The following ITGB5 variants were observed in gnomAD, a reference collection of about 807,000 sequenced individuals.
ITGB5 encodes the protein integrin subunit beta 5, also known as integrin beta-5.
A neutral mutation model predicts 84.8 loss-of-function variants in ITGB5; 38 were observed. That is an observed-to-expected ratio of 0.45 (90% CI 0.35 to 0.59). ITGB5 has a LOEUF of 0.59. Among genes scored for constraint, ITGB5 ranks in the 20% least tolerant of loss-of-function variants. The pLI, the probability that ITGB5 is intolerant of heterozygous loss-of-function variation, is 0.01. For synonymous variants in ITGB5, 393 were observed against 414.4 expected (o/e 0.95, Z 0.63); for missense variants, 905 against 1,034.5 (o/e 0.87, Z 1.72).
chr3:124,868,134 G>A lies in ITGB5; in HGVS notation c.156+5312C>T, dbSNP rs189424486. 7.2e-5 allele frequency among the ~76,000 whole-genome samples: 11 copies of A among 152,218 alleles called. No homozygotes were observed. In the South Asian group the frequency reaches 1.0e-3, roughly 14 times the overall value. ...TTGCTTCCCCTTCACCTTCCACCAC[G>A]GTTGTAAGTTTCCTGAGGCCTCCCC... On this transcript the variant is annotated intron_variant, in intron 2 of 14. Coordinates refer to ENST00000296181, the MANE Select transcript of ITGB5 (RefSeq NM_002213.5).
In ITGB5 at chr3:124,821,332, T is replaced by C. The variant is rs1420297622; in HGVS notation, c.923A>G (p.Tyr308Cys). ...ACTCACCATCTGGTTGGATGCAGTG[T>C]ACTCGTTGGCCTCGTTCAGGTGGCA... ...GQCHLNEANE[Y>C]TASNQMDYPS... Residue 308 changes from tyrosine to cysteine, a missense_variant, in exon 6 of 15, where the codon TAC becomes TGC. Transcript: ENST00000296181. The C allele has an allele frequency of 6.2e-7, 1 of 1,613,812 alleles. No individual in the cohort carries two copies. The highest frequency in any genetic ancestry group is 8.5e-7 in the Non-Finnish European group (1 of 1,179,834).
intron 10 of ITGB5, chr3:124,791,476 CT>C (rs1231585627): frequency 6.6e-6 from 1 of 152,244 alleles, no homozygotes; most frequent in Non-Finnish European, 1.5e-5. Context: ...CGCTTTGCCC[CT>C]AGCCCTGTCT....
chr3:124,884,690 CA>C (rs564081760), intron 1 of ITGB5, among the ~76,000 whole-genome samples: 1 of 149,588 alleles, frequency 6.7e-6, no homozygotes, highest in East Asian at 1.9e-4. Flanking sequence ...GACTCTGTCT[CA>C]AAAAAAAAGA....
intron 10 of ITGB5, among the ~76,000 whole-genome samples, chr3:124,782,683 C>A (rs993725060): frequency 2.0e-5 from 3 of 151,964 alleles, no homozygotes; most frequent in African/African-American, 7.3e-5. Flanking sequence ...CATGGTGAAA[C>A]CCTGTCTCCA....
intron 5 of ITGB5, among the ~76,000 whole-genome samples, chr3:124,829,665 C>T (rs1473329861): frequency 6.6e-6 from 1 of 152,204 alleles, no homozygotes; most frequent in Non-Finnish European, 1.5e-5. Flanking sequence ...TCGCTCTGAT[C>T]TCACCATCCC....
At chr3:124,810,936 C>CTTTCTT (rs536499219) in intron 8 of ITGB5, among the ~76,000 whole-genome samples, 1 of 151,764 alleles carries the variant, frequency 6.6e-6, no homozygotes, top group African/African-American at 2.4e-5. Flanking sequence ...TTCTTTCTTT[C>CTTTCTT]TCTTTTTTGC....
rs114424489 is a variant in ITGB5 at position 124,780,414 on chromosome 3, G to A, written c.1694-6502C>T. 6.8e-3 allele frequency among the ~76,000 whole-genome samples: 1,032 copies of A among 152,298 alleles called. 18 individuals are homozygous for A. The highest frequency in any genetic ancestry group is 0.042 in the South Asian group (203 of 4,830). ...AGCTCAGTGTTATAACCAGGCAGAC[G>A]TCAGGCCCTCAGGGTACAAATCATC... On this transcript the variant is annotated intron_variant, in intron 10 of 14. Transcript: ENST00000296181.
chr3:124,782,667 G>T (rs1160164519), intron 10 of ITGB5, among the ~76,000 whole-genome samples: 2 of 152,140 alleles, frequency 1.3e-5, no homozygotes, highest in African/African-American at 4.8e-5. Context: ...AGACCAGCCT[G>T]ACCAACATGG....
chr3:124,894,134 C>CTTTTTTTTCTTTTTTTT (rs1935052976), intron 1 of ITGB5, among the ~76,000 whole-genome samples: 1 of 104,354 alleles, frequency 9.6e-6, no homozygotes, highest in African/African-American at 3.7e-5. Context: ...TGATATTTTT[C>CTTTTTTTTCTTTTTTTT]TTTTTTTTTT....
At chr3:124,796,035 C>T (rs544880536) in intron 10 of ITGB5, among the ~76,000 whole-genome samples, 1 of 152,312 alleles carries the variant, frequency 6.6e-6, no homozygotes, top group South Asian at 2.1e-4. Context: ...CCACTGCCAG[C>T]CCCAGTGAGT....
intron 10 of ITGB5, among the ~76,000 whole-genome samples, chr3:124,778,026 GAAC>G (rs1010997679): frequency 3.9e-5 from 6 of 152,186 alleles, no homozygotes; most frequent in Non-Finnish European, 7.3e-5. Context: ...TGGGGATTGG[GAAC>G]AACATCCTGG....
chr3:124,814,670 T>C (rs2064559054), intron 8 of ITGB5, among the ~76,000 whole-genome samples: 1 of 151,994 alleles, frequency 6.6e-6, no homozygotes, highest in African/African-American at 2.4e-5. Context: ...GATTTCAAAC[T>C]CCTGGCCTCA....
chr3:124,797,630 A>G (rs1397194499), intron 9 of ITGB5, among the ~76,000 whole-genome samples: 1 of 152,124 alleles, frequency 6.6e-6, no homozygotes, highest in Non-Finnish European at 1.5e-5. Context: ...TGCGGGAGGG[A>G]TGCCTGTCAG....
Position 124,821,406 on chromosome 3 carries a change from G to A in ITGB5, c.849C>T (p.Ile283=), listed in dbSNP as rs146803561. 3.1e-5 allele frequency: 50 copies of A among 1,614,212 alleles called. No homozygotes were observed. In the South Asian group the frequency reaches 3.6e-4, roughly 12 times the overall value. ...GGCCTCCCAATTTTCCATCCAATGC[G>A]ATGTGGGGCACATCATCTGTTGTGA... is the stretch of plus-strand genomic sequence containing the variant. ...LVFTTDDVPH[I]ALDGKLGGLV... Residue 283 remains isoleucine, a synonymous_variant, in exon 6 of 15, where the codon ATC becomes ATT. Coordinates refer to ENST00000296181, the MANE Select transcript of ITGB5 (RefSeq NM_002213.5).
intron 1 of ITGB5, among the ~76,000 whole-genome samples, chr3:124,881,818 A>G (rs887899182): frequency 1.3e-5 from 2 of 152,294 alleles, no homozygotes; most frequent in Non-Finnish European, 2.9e-5. Flanking sequence ...AAATTAAAAA[A>G]TAAGCCAGGT....
rs372815649 is a variant in ITGB5 at position 124,763,596 on chromosome 3, C to T, written c.*27G>A. 1.0e-4 allele frequency: 146 copies of T among 1,416,590 alleles called. No homozygotes were observed. The highest frequency in any genetic ancestry group is 1.3e-4 in the Non-Finnish European group (130 of 1,000,390). 87.8% of individuals were successfully genotyped at this position (1,416,590 alleles called of 1,614,324 possible). The stretch of plus-strand genomic sequence containing the variant: ...CAGTCTGACCTTTTCATCAGATCCC[C>T]GCTCCAGCCCCTCGGAGAAGGAAAC... On this transcript the variant is annotated 3_prime_UTR_variant, in exon 15 of 15. Coordinates refer to ENST00000296181, the MANE Select transcript of ITGB5 (RefSeq NM_002213.5).
intron 10 of ITGB5, among the ~76,000 whole-genome samples, chr3:124,786,404 TAA>T (rs879527219): frequency 3.5e-5 from 5 of 141,922 alleles, no homozygotes; most frequent in Non-Finnish European, 4.6e-5. Context: ...CCCTGTCTCT[TAA>T]AAAAAAAAAA....
At chr3:124,804,690 G>A (rs995040821) in intron 9 of ITGB5, among the ~76,000 whole-genome samples, 3 of 151,626 alleles carry the variant, frequency 2.0e-5, no homozygotes, top group African/African-American at 7.3e-5. Context: ...TTTTTGAGAA[G>A]GAGTCTTGTT....
chr3:124,891,749 C>G (rs549778311), upstream of ITGB5, among the ~76,000 whole-genome samples: 2 of 151,602 alleles, frequency 1.3e-5, no homozygotes, highest in Admixed American at 1.3e-4. Flanking sequence ...ATGGTGAAAC[C>G]CCATCTCTAC....
Sources: allele counts gnomAD v4.1 joint callset (sites outside exome capture counted in the v4.1 genomes callset), GRCh38; gene constraint gnomAD v4.1.1; transcripts MANE v1.5; gene names NCBI Gene and HGNC (gene_info 2026-07-23, HGNC 2026-07-21).